Variants in PRDM16 observed in about 807,000 individuals in gnomAD.
PRDM16 encodes PR/SET domain 16.
A neutral mutation model predicts 110.6 loss-of-function variants in PRDM16; 23 were observed. The observed-to-expected ratio is 0.21, with a 90% CI of 0.15 to 0.29. PRDM16 has a LOEUF of 0.29. PRDM16 is among the 10% of genes least tolerant of loss of function. The probability of loss-of-function intolerance (pLI) is 1.00; values close to 1 mark genes in which losing one functional copy is unlikely to be tolerated. For missense variants in PRDM16, 1,615 were observed against 1,794.3 expected (o/e 0.90, Z 1.81); for synonymous variants, 799 against 781.8 (o/e 1.02, Z -0.37).
At chr1:3,279,889 C>T (rs1453485985) in intron 3 of PRDM16, among the ~76,000 whole-genome samples, 1 of 151,326 alleles carries the variant, frequency 6.6e-6, no homozygotes, top group East Asian at 2.0e-4. Flanking sequence ...CCCCCGGGCA[C>T]CCACCACCAA....
At chr1:3,128,559 G>A (rs953419267) in intron 1 of PRDM16, among the ~76,000 whole-genome samples, 3 of 152,156 alleles carry the variant, frequency 2.0e-5, no homozygotes, top group African/African-American at 7.2e-5. Flanking sequence ...CAGGCTCAGG[G>A]CATGAGGGCC....
chr1:3,423,436 A>T (rs1638498679), intron 12 of PRDM16, among the ~76,000 whole-genome samples: 1 of 152,064 alleles, frequency 6.6e-6, no homozygotes, highest in Non-Finnish European at 1.5e-5. Context: ...CTCCCTCGCC[A>T]GGCTTTTGTG....
rs1035479180 is a variant in PRDM16 at position 3,157,991 on chromosome 1, C to A, written c.38-28134C>A. Among the ~76,000 whole-genome samples the A allele has an allele frequency of 6.6e-6, 1 of 152,214 alleles. No individual in the cohort carries two copies. Among genetic ancestry groups the A allele is most frequent in the Non-Finnish European group, 1.5e-5 (1 of 68,036 alleles). ...CAATGACTGCTCATTGCAGAAAATACAGAAACAGATTTTGAAATGGAAAAC... is the reference window on the plus strand; with the variant it reads ...CAATGACTGCTCATTGCAGAAAATAAAGAAACAGATTTTGAAATGGAAAAC... On this transcript the variant is annotated intron_variant, in intron 1 of 16. Coordinates refer to ENST00000270722, the MANE Select transcript of PRDM16 (RefSeq NM_022114.4). The surrounding 1 kb of genome is among the most constrained non-coding windows in gnomAD (Gnocchi z 4.8).
At chr1:3,073,443 A>G (rs1641814771) in intron 1 of PRDM16, among the ~76,000 whole-genome samples, 1 of 152,260 alleles carries the variant, frequency 6.6e-6, no homozygotes, top group Admixed American at 6.5e-5. Flanking sequence ...GTTAAATACA[A>G]TTTATCAGGT....
chr1:3,174,645 A>G (rs576073303), intron 1 of PRDM16, among the ~76,000 whole-genome samples: 25 of 152,272 alleles, frequency 1.6e-4, no homozygotes, highest in African/African-American at 5.5e-4. Context: ...GGGGGTTTGC[A>G]TCTGGTCAGG....
At chr1:3,204,309 G>A (rs140811833) in intron 2 of PRDM16, among the ~76,000 whole-genome samples, 2 of 152,244 alleles carry the variant, frequency 1.3e-5, no homozygotes, top group Admixed American at 1.3e-4. Context: ...GGGTAACTGT[G>A]GACCCCGCCT....
At chr1:3,249,433 G>A (rs181092683) in intron 3 of PRDM16, among the ~76,000 whole-genome samples, 85 of 152,106 alleles carry the variant, frequency 5.6e-4, no homozygotes, top group Non-Finnish European at 1.0e-3. Flanking sequence ...AGCGAGGTGA[G>A]TGAGGTTCAG....
chr1:3,386,195 G>A (rs945764817), intron 4 of PRDM16, among the ~76,000 whole-genome samples: 3 of 151,704 alleles, frequency 2.0e-5, no homozygotes, highest in African/African-American at 7.3e-5. Flanking sequence ...CAGTAGTCTG[G>A]TTTTTCCTGT....
At chr1:3,129,353 G>T (rs185990077) in intron 1 of PRDM16, among the ~76,000 whole-genome samples, 10 of 139,636 alleles carry the variant, frequency 7.2e-5, no homozygotes, top group Non-Finnish European at 1.2e-4. Context: ...TTGTGTGTGT[G>T]TGCGCACGTG....
intron 12 of PRDM16, among the ~76,000 whole-genome samples, chr1:3,424,302 C>T (rs911411740): frequency 6.6e-6 from 1 of 152,242 alleles, no homozygotes; most frequent in African/African-American, 2.4e-5. Context: ...TGGGAGAGAA[C>T]AACCCTCCCT....
At chr1:3,077,555 G>A (rs1641927995) in intron 1 of PRDM16, among the ~76,000 whole-genome samples, 1 of 152,264 alleles carries the variant, frequency 6.6e-6, no homozygotes, top group Admixed American at 6.5e-5. Context: ...AGGGTGTTTA[G>A]TAGGTGCTTT....
chr1:3,111,687 C>T (rs955655708), intron 1 of PRDM16, among the ~76,000 whole-genome samples: 1 of 152,140 alleles, frequency 6.6e-6, no homozygotes, highest in Non-Finnish European at 1.5e-5. Context: ...TTTCAGGTAC[C>T]GGCCTTTTGT....
rs1642461309 is a variant in PRDM16, at chr1:3,350,516, C to T, written c.439-34636C>T. Among the ~76,000 whole-genome samples, 1 of 152,090 alleles carries T rather than the reference C, an allele frequency of 6.6e-6. No individual in the cohort carries two copies. Among genetic ancestry groups the T allele is most frequent in the Non-Finnish European group, 1.5e-5 (1 of 68,004 alleles). ...CATAATGTGTGTTAAGATCAAGGGC[C>T]CCGGGCTGATGTGGCCTCCCAGCAG... On this transcript the variant is annotated intron_variant, in intron 3 of 16. Transcript: ENST00000270722. This position sits in a 1 kb window ranked among gnomAD's most constrained non-coding sequence, Gnocchi z 7.1.
intron 1 of PRDM16, among the ~76,000 whole-genome samples, chr1:3,164,308 G>T (rs1488767176): frequency 2.0e-5 from 3 of 152,252 alleles, no homozygotes; most frequent in Non-Finnish European, 4.4e-5. Context: ...AGAAGGCAAA[G>T]TTTTTAAACT....
intron 9 of PRDM16, among the ~76,000 whole-genome samples, chr1:3,413,293 G>A (rs1643725877): frequency 6.6e-6 from 1 of 152,126 alleles, no homozygotes; most frequent in Admixed American, 6.5e-5. Context: ...AGGGGGAATG[G>A]GGAGGGGGTG....
At chr1:3,366,463 C>T (rs1465638832) in intron 3 of PRDM16, among the ~76,000 whole-genome samples, 1 of 152,220 alleles carries the variant, frequency 6.6e-6, no homozygotes, top group East Asian at 1.9e-4. Flanking sequence ...CCAGGCTGTG[C>T]CGACCAGGGC....
chr1:3,247,656 A>G (rs1639819221), intron 3 of PRDM16, among the ~76,000 whole-genome samples: 1 of 152,204 alleles, frequency 6.6e-6, no homozygotes, highest in Non-Finnish European at 1.5e-5. Flanking sequence ...TTCACTCCGC[A>G]GCCCTTGCGC....
chr1:3,387,692 C>T (rs1231494469), intron 4 of PRDM16, among the ~76,000 whole-genome samples: 1 of 152,236 alleles, frequency 6.6e-6, no homozygotes, highest in Non-Finnish European at 1.5e-5. Context: ...AGGAGACTCG[C>T]CGCCCAGGCA....
At chr1:3,352,776 C>T (rs762632783) in intron 3 of PRDM16, among the ~76,000 whole-genome samples, 1 of 152,238 alleles carries the variant, frequency 6.6e-6, no homozygotes, top group African/African-American at 2.4e-5. Context: ...TGAAAACAGA[C>T]ATGAGACAGC....
Sources: allele counts gnomAD v4.1 joint callset (sites outside exome capture counted in the v4.1 genomes callset), GRCh38; gene constraint gnomAD v4.1.1; non-coding constraint Gnocchi (gnomAD v3.1); transcripts MANE v1.5; gene names NCBI Gene and HGNC (gene_info 2026-07-23, HGNC 2026-07-21).